CDC42: variants seen among roughly 807,000 people sequenced by gnomAD.
CDC42 encodes the protein cell division cycle 42.
Under a neutral mutation model 20.8 loss-of-function variants are expected in CDC42, and 1 was observed. That is an observed-to-expected ratio of 0.05 (90% CI 0.02 to 0.23). The LOEUF (loss-of-function observed/expected upper bound fraction) is 0.23, where lower values mean the gene tolerates loss of function less well. Ranked by LOEUF, CDC42 falls within the 10% of genes least tolerant of loss-of-function variation. CDC42 has a pLI of 1.00. For synonymous variants in CDC42, 72 were observed against 84.8 expected (o/e 0.85, Z 0.83); for missense variants, 49 against 227.9 (o/e 0.21, Z 5.05).
intron 1 of CDC42, among the ~76,000 whole-genome samples, chr1:22,064,896 C>T (rs17837957): frequency 0.025 from 3,746 of 152,186 alleles, 76 homozygotes; most frequent in South Asian, 0.048. Context: ...AGGCTGGTCT[C>T]GAACTTGACC....
At chr1:22,061,582 C>T (rs562612899) in intron 1 of CDC42, among the ~76,000 whole-genome samples, 1 of 116,042 alleles carries the variant, frequency 8.6e-6, no homozygotes, top group South Asian at 3.1e-4. Flanking sequence ...CTTGCTCTAT[C>T]AGCCAGGCTG....
At chr1:22,072,263 A>G (rs1001000786) in intron 1 of CDC42, among the ~76,000 whole-genome samples, 2 of 151,504 alleles carry the variant, frequency 1.3e-5, no homozygotes, top group Non-Finnish European at 2.9e-5. Context: ...ACGCCTGGCT[A>G]ATTTTTTGTA....
intron 1 of CDC42, among the ~76,000 whole-genome samples, chr1:22,066,761 T>C (rs1365130154): frequency 6.6e-6 from 1 of 152,062 alleles, no homozygotes; most frequent in African/African-American, 2.4e-5. Flanking sequence ...AGGAGTGTTG[T>C]TGGTAAAGAC....
Position 22,090,965 on chromosome 1 carries a change from C to T in CDC42, c.487-463C>T, listed in dbSNP as rs573758642. On this transcript the variant is annotated intron_variant, in intron 5 of 5. Coordinates refer to ENST00000656825, the MANE Select transcript of CDC42 (RefSeq NM_001791.4). ...TATCTTTGCAGCTACCATAATCACC[C>T]TCTCTCTCTCTTTGCCTGTGCCTTC... 9.9e-5 allele frequency among the ~76,000 whole-genome samples: 15 copies of T among 152,144 alleles called. No individual in the cohort carries two copies. In the South Asian group the frequency reaches 2.9e-3, roughly 29 times the overall value.
rs1177785125 is a variant in CDC42, at chr1:22,094,533, G to A, written c.*3016G>A. Among the ~76,000 whole-genome samples, 1 of 147,806 alleles carries A rather than the reference G, an allele frequency of 6.8e-6. No homozygotes were observed. Among genetic ancestry groups the A allele is most frequent in the Admixed American group, 6.6e-5 (1 of 15,050 alleles). On this transcript the variant is annotated 3_prime_UTR_variant, in exon 6 of 6. Transcript: ENST00000656825. ...AGAATGGTCTCGATCTCCTGACCTC[G>A]TGATCCGCCCGCCTCGGCCTCCCAA...
Position 22,101,306 on chromosome 1 carries a change from TGC to T in CDC42, c.*9790_*9791del, listed in dbSNP as rs1233505280. ...GGCACCAGAGTTTCCTTGGGCAAGT[TGC>T]CATACCTTTTTGGGCCTTGGTTTCC... On this transcript the variant is annotated 3_prime_UTR_variant, in exon 6 of 6. Transcript: ENST00000656825. The T allele has an allele frequency of 2.0e-5, 3 of 152,248 alleles. No homozygotes were observed. The highest frequency in any genetic ancestry group is 7.2e-5 in the African/African-American group (3 of 41,470). The allele number at this position is 152,248 out of a possible 1,614,324, so 9.4% of individuals were successfully genotyped here.
At chr1:22,080,794 G>C (rs1478290602) in intron 2 of CDC42, among the ~76,000 whole-genome samples, 1 of 152,118 alleles carries the variant, frequency 6.6e-6, no homozygotes, top group Non-Finnish European at 1.5e-5. Context: ...GGGTTTTATG[G>C]TCTATTTACA....
intron 3 of CDC42, among the ~76,000 whole-genome samples, chr1:22,085,608 T>A (rs918442083): frequency 6.6e-6 from 1 of 152,224 alleles, no homozygotes; most frequent in Admixed American, 6.5e-5. Flanking sequence ...AGTTTTGAAT[T>A]TTTTTGTTAT....
intron 1 of CDC42, chr1:22,074,317 C>A (rs939218881): frequency 2.6e-5 from 4 of 152,334 alleles, no homozygotes; most frequent in African/African-American, 9.6e-5. Context: ...ACCTTGTGAT[C>A]TGCCTGCCTC....
intron 1 of CDC42, chr1:22,068,666 TCTTTA>T (rs1398728633): frequency 2.0e-4 from 31 of 152,472 alleles, no homozygotes; most frequent in African/African-American, 7.2e-4. Flanking sequence ...GTTATGAAAT[TCTTTA>T]CTTATTAAGC....
At chr1:22,057,923 C>T (rs562313062) in intron 1 of CDC42, among the ~76,000 whole-genome samples, 52 of 151,806 alleles carry the variant, frequency 3.4e-4, no homozygotes, top group Middle Eastern at 3.5e-3. Flanking sequence ...GGGGGGGTTT[C>T]ACCATGTTGG....
rs1174198854 is a variant in CDC42 at position 22,097,218 on chromosome 1, A to G, written c.*5701A>G. Among the ~76,000 whole-genome samples, 5 of 152,208 alleles carry G rather than the reference A, an allele frequency of 3.3e-5. No homozygotes were observed. The highest frequency in any genetic ancestry group is 3.3e-4 in the Admixed American group (5 of 15,286). On this transcript the variant is annotated 3_prime_UTR_variant, in exon 6 of 6. Coordinates refer to ENST00000656825, the MANE Select transcript of CDC42 (RefSeq NM_001791.4). ...CCTGGCCTCTCCTTTTGTGGTGCTT[A>G]CAGTGCTGTGTTAGGTCCAGTTTTA...
At chr1:22,055,105 C>T in intron 1 of CDC42, among the ~76,000 whole-genome samples, 1 of 150,850 alleles carries the variant, frequency 6.6e-6, no homozygotes, top group Non-Finnish European at 1.5e-5. Flanking sequence ...AGGCGCCCGC[C>T]ACCACGCCCG....
At chr1:22,063,112 T>A (rs980294004) in intron 1 of CDC42, among the ~76,000 whole-genome samples, 1 of 152,150 alleles carries the variant, frequency 6.6e-6, no homozygotes, top group Non-Finnish European at 1.5e-5. Context: ...TTTTTTTTGT[T>A]TGTTTCTTTT....
Position 22,090,512 on chromosome 1 carries a change from C to T in CDC42, c.487-916C>T, listed in dbSNP as rs1028747172. The stretch of plus-strand genomic sequence containing the variant: ...AAGGGAGGATTCTTTTCTGGTTTTC[C>T]TTTGTGCGGTGAAACTTTGTGTTGC... On this transcript the variant is annotated intron_variant, in intron 5 of 5. Coordinates refer to ENST00000656825, the MANE Select transcript of CDC42 (RefSeq NM_001791.4). 1.2e-5 allele frequency: 12 copies of T among 987,072 alleles called. No individual in the cohort carries two copies. The African/African-American group carries it at 1.9e-4, about 16-fold the overall frequency. The allele number at this position is 987,072 out of a possible 1,614,324, so 61.1% of individuals were successfully genotyped here.
rs1346983808 is a variant in CDC42 at position 22,097,269 on chromosome 1, T to C, written c.*5752T>C. Among the ~76,000 whole-genome samples, 2 of 152,236 alleles carry C rather than the reference T, an allele frequency of 1.3e-5. No individual in the cohort carries two copies. The highest frequency in any genetic ancestry group is 2.4e-5 in the African/African-American group (1 of 41,462). ...CCTCTTAAATCTGTATTATTACTTT[T>C]TTTTCGAGACCAGATCTTACTCTGT... On this transcript the variant is annotated 3_prime_UTR_variant, in exon 6 of 6. Coordinates refer to ENST00000656825, the MANE Select transcript of CDC42 (RefSeq NM_001791.4).
At chr1:22,075,450 C>A (rs1457104259) in intron 1 of CDC42, among the ~76,000 whole-genome samples, 1 of 152,166 alleles carries the variant, frequency 6.6e-6, no homozygotes, top group African/African-American at 2.4e-5. Flanking sequence ...TATAAAATTA[C>A]ATAGTACAGT....
chr1:22,069,285 C>T (rs1011341686), intron 1 of CDC42, among the ~76,000 whole-genome samples: 1 of 149,690 alleles, frequency 6.7e-6, no homozygotes, highest in Non-Finnish European at 1.5e-5. Flanking sequence ...AAGCAATTCT[C>T]CTGCCTCACC....
intron 5 of CDC42, chr1:22,089,963 T>C: frequency 6.2e-7 from 1 of 1,614,026 alleles, no homozygotes; most frequent in Non-Finnish European, 8.5e-7. Flanking sequence ...AGAATGTGTT[T>C]GATGAGGCTA....
Sources: gnomAD v4.1 joint callset for allele counts (sites outside exome capture counted in the v4.1 genomes callset) on GRCh38, gnomAD v4.1.1 for gene constraint, MANE v1.5 for transcripts, NCBI Gene and HGNC (gene_info 2026-07-23, HGNC 2026-07-21) for gene names.